Variants in SYN3 observed in about 807,000 individuals in gnomAD.
SYN3 encodes the protein synapsin-3.
SYN3 carries 35 observed loss-of-function variants against 65.8 expected under a neutral mutation model. The ratio of observed to expected loss-of-function variants is 0.53; its 90% CI spans 0.41 to 0.70. The LOEUF is 0.70. Ranked by LOEUF, SYN3 falls within the 30% of genes least tolerant of loss-of-function variation. The pLI is 0.00. For synonymous variants in SYN3, 270 were observed against 292.9 expected (o/e 0.92, Z 0.80); for missense variants, 680 against 749.0 (o/e 0.91, Z 1.08).
chr22:33,056,640 T>G lies in SYN3; in HGVS notation c.-163+1652A>C, dbSNP rs73164308. ...TCTGCCCAGTTCTGCTTCCCTTATC[T>G]GCACAAAAATCTCAGAAGCGCCAAG... On this transcript the variant is annotated intron_variant, in intron 1 of 13. Coordinates refer to ENST00000358763, the MANE Select transcript of SYN3 (RefSeq NM_003490.4). 9.3e-3 allele frequency among the ~76,000 whole-genome samples: 1,411 copies of G among 152,330 alleles called. 14 individuals are homozygous for G. Among genetic ancestry groups the G allele is most frequent in the South Asian group, 0.026 (125 of 4,828 alleles).
At chr22:32,806,427 A>G (rs369967573) in intron 6 of SYN3, among the ~76,000 whole-genome samples, 1 of 152,314 alleles carries the variant, frequency 6.6e-6, no homozygotes, top group East Asian at 1.9e-4. Context: ...ACGATTCTCC[A>G]TCGCACTTGG....
At position 32,578,570 on chromosome 22, in the gene SYN3, G is replaced by A. The variant is rs527447321; in HGVS notation, c.774+18104C>T. Among the ~76,000 whole-genome samples, 65 of 152,268 alleles carry A rather than the reference G, an allele frequency of 4.3e-4. No individual in the cohort carries two copies. The East Asian group carries it at 5.0e-3, about 12-fold the overall frequency. ...TAGTCAAGCCAATATTTTTCAAACT[G>A]TGAGTTTGAAATTGGTCATCAAATC... On this transcript the variant is annotated intron_variant, in intron 7 of 13. Coordinates refer to ENST00000358763, the MANE Select transcript of SYN3 (RefSeq NM_003490.4).
intron 3 of SYN3, among the ~76,000 whole-genome samples, chr22:32,965,596 AAGAG>A (rs1221239743): frequency 2.7e-5 from 4 of 146,256 alleles, no homozygotes; most frequent in Admixed American, 2.0e-4. Context: ...GTGTGTGCGT[AAGAG>A]AGAGAGAGAC....
chr22:32,581,678 AAAGATTT>A (rs1450612590), intron 7 of SYN3, among the ~76,000 whole-genome samples: 2 of 152,186 alleles, frequency 1.3e-5, no homozygotes, highest in Non-Finnish European at 2.9e-5. Context: ...CAGTGTTTCA[AAAGATTT>A]TTAAATTAGT....
intron 6 of SYN3, among the ~76,000 whole-genome samples, chr22:32,769,784 T>C (rs1400096357): frequency 1.3e-5 from 2 of 152,202 alleles, no homozygotes; most frequent in Non-Finnish European, 2.9e-5. Flanking sequence ...CCCAAAGTGC[T>C]GGGATTACAG....
chr22:32,724,545 G>T (rs1483122012), intron 6 of SYN3, among the ~76,000 whole-genome samples: 1 of 152,096 alleles, frequency 6.6e-6, no homozygotes, highest in Non-Finnish European at 1.5e-5. Context: ...TTATCTAATA[G>T]GATTTCTGGA....
chr22:32,726,299 C>A (rs768859608), intron 6 of SYN3, among the ~76,000 whole-genome samples: 1 of 152,172 alleles, frequency 6.6e-6, no homozygotes, highest in South Asian at 2.1e-4. Context: ...TACGCCACCA[C>A]GCCCAGCTAA....
At chr22:32,711,370 G>T (rs1429956353) in intron 6 of SYN3, among the ~76,000 whole-genome samples, 2 of 152,204 alleles carry the variant, frequency 1.3e-5, no homozygotes, top group Admixed American at 6.5e-5. Context: ...TAATTCATCA[G>T]TTAGCAGTGA....
At position 32,772,182 on chromosome 22, in the gene SYN3, G is replaced by C. The variant is rs143434149; in HGVS notation, c.711+92733C>G. On this transcript the variant is annotated intron_variant, in intron 6 of 13. Coordinates refer to ENST00000358763, the MANE Select transcript of SYN3 (RefSeq NM_003490.4). Reference sequence around the variant, plus strand: ...CCCTGAGGATAGTGCTGGGCCACAGGGGGGGAGAAAAGCAGGACCAGAAGG... The same window carrying C: ...CCCTGAGGATAGTGCTGGGCCACAGCGGGGGAGAAAAGCAGGACCAGAAGG... 2.2e-3 allele frequency among the ~76,000 whole-genome samples: 340 copies of C among 151,450 alleles called. 5 individuals carry two copies. The South Asian group carries it at 0.05, about 22-fold the overall frequency.
At chr22:32,976,790 T>C (rs1240778391) in intron 3 of SYN3, among the ~76,000 whole-genome samples, 3 of 152,108 alleles carry the variant, frequency 2.0e-5, no homozygotes, top group Non-Finnish European at 4.4e-5. Context: ...GGGAAGAGGA[T>C]GGAGAGAAGG....
At chr22:32,758,514 G>C (rs2145699811) in intron 6 of SYN3, among the ~76,000 whole-genome samples, 1 of 150,508 alleles carries the variant, frequency 6.6e-6, no homozygotes, top group South Asian at 2.1e-4. Context: ...GACTGGCCTA[G>C]CCTCCCAGCC....
At chr22:32,671,496 C>T (rs2147065191) in intron 6 of SYN3, among the ~76,000 whole-genome samples, 1 of 152,108 alleles carries the variant, frequency 6.6e-6, no homozygotes, top group Non-Finnish European at 1.5e-5. Flanking sequence ...TGCTGTCGCA[C>T]AGGTGCACAC....
At chr22:32,695,352 T>C (rs1214691233) in intron 6 of SYN3, among the ~76,000 whole-genome samples, 3 of 152,246 alleles carry the variant, frequency 2.0e-5, no homozygotes, top group African/African-American at 7.2e-5. Context: ...TTTTCATTTT[T>C]TCATCCCATG....
chr22:32,995,812 G>A (rs889397923), intron 2 of SYN3, among the ~76,000 whole-genome samples: 5 of 149,476 alleles, frequency 3.3e-5, no homozygotes, highest in South Asian at 2.1e-4. Context: ...ACAGGCATGC[G>A]CCACCACGCT....
chr22:33,039,282 A>G (rs908517621), intron 1 of SYN3, among the ~76,000 whole-genome samples: 1 of 152,090 alleles, frequency 6.6e-6, no homozygotes, highest in African/African-American at 2.4e-5. Context: ...GCTCAAAGCT[A>G]CTATGCCATG....
At chr22:32,546,522 G>A (rs1255132982) in intron 7 of SYN3, among the ~76,000 whole-genome samples, 1 of 152,080 alleles carries the variant, frequency 6.6e-6, no homozygotes, top group Non-Finnish European at 1.5e-5. Flanking sequence ...TGGCGAAGAG[G>A]GGAGGTGGTC....
chr22:32,887,140 G>T lies in SYN3; in HGVS notation c.462-18015C>A, dbSNP rs1296566246. Reference sequence around the variant, plus strand: ...GCTTGTAATCCCAGTACTTTGGGAGGTCAAGGTGGGAGGATCGCTTGAGTT... The same window carrying T: ...GCTTGTAATCCCAGTACTTTGGGAGTTCAAGGTGGGAGGATCGCTTGAGTT... On this transcript the variant is annotated intron_variant, in intron 4 of 13. Coordinates refer to ENST00000358763, the MANE Select transcript of SYN3 (RefSeq NM_003490.4). 2.6e-5 allele frequency among the ~76,000 whole-genome samples: 4 copies of T among 152,308 alleles called. No individual in the cohort carries two copies. In the South Asian group the frequency reaches 6.2e-4, roughly 24 times the overall value.
At chr22:32,597,097 A>C (rs2059211226) in intron 6 of SYN3, among the ~76,000 whole-genome samples, 1 of 152,048 alleles carries the variant, frequency 6.6e-6, no homozygotes, top group South Asian at 2.1e-4. Context: ...GAAGACGATA[A>C]TAATAGTATC....
intron 6 of SYN3, among the ~76,000 whole-genome samples, chr22:32,692,739 C>T (rs1463594399): frequency 6.9e-6 from 1 of 144,328 alleles, no homozygotes; most frequent in African/African-American, 2.6e-5. Flanking sequence ...TCCTCTCTCC[C>T]ATCACTTCCC....
Sources: allele counts gnomAD v4.1 joint callset (sites outside exome capture counted in the v4.1 genomes callset), GRCh38; gene constraint gnomAD v4.1.1; transcripts MANE v1.5; gene names NCBI Gene and HGNC (gene_info 2026-07-23, HGNC 2026-07-21).